Variants in ABCB11 observed in about 807,000 individuals in gnomAD.
The protein encoded by ABCB11 is bile salt export pump.
Under a neutral mutation model 148.0 loss-of-function variants are expected in ABCB11, and 95 were observed. The observed-to-expected ratio is 0.64, with a 90% CI of 0.54 to 0.76. The LOEUF is 0.76. Among genes scored for constraint, ABCB11 ranks in the 30% least tolerant of loss-of-function variants. The pLI, the probability that ABCB11 is intolerant of heterozygous loss-of-function variation, is 0.00. For missense variants in ABCB11, 1,523 were observed against 1,617.8 expected (o/e 0.94, Z 1.01); for synonymous variants, 591 against 555.4 (o/e 1.06, Z -0.90).
intron 3 of ABCB11, among the ~76,000 whole-genome samples, 170 bp downstream of exon 3, chr2:169,016,608 T>C (rs1457875977): frequency 6.6e-6 from 1 of 152,130 alleles, no homozygotes; most frequent in Non-Finnish European, 1.5e-5. Flanking sequence ...TTCCAAAAGG[T>C]TTTTAAAATC....
intron 26 of ABCB11, among the ~76,000 whole-genome samples, chr2:168,925,171 T>A (rs1691249424): frequency 6.6e-6 from 1 of 152,222 alleles, no homozygotes; most frequent in Non-Finnish European, 1.5e-5. Context: ...TATGGACTAA[T>A]CCCAAGAATG....
intron 5 of ABCB11, among the ~76,000 whole-genome samples, chr2:169,009,861 C>T (rs1302529902): frequency 6.6e-6 from 1 of 152,098 alleles, no homozygotes; most frequent in African/African-American, 2.4e-5. Context: ...AATTGTATCT[C>T]AACAAAGCCA....
intron 18 of ABCB11, among the ~76,000 whole-genome samples, chr2:168,963,509 A>G (rs1693166273): frequency 1.3e-5 from 2 of 151,768 alleles, no homozygotes; most frequent in Admixed American, 6.6e-5. Flanking sequence ...TGGTCTGTTT[A>G]TGTGAAAATT....
intron 13 of ABCB11, 24 bp downstream of exon 13, chr2:168,973,691 G>T: frequency 6.2e-7 from 1 of 1,609,990 alleles, no homozygotes; most frequent in South Asian, 1.1e-5. Flanking sequence ...CCCATGTATT[G>T]AGGAGTTTCT....
chr2:169,014,239 C>G, intron 4 of ABCB11, 64 bp downstream of exon 4: 2 of 1,469,912 alleles, frequency 1.4e-6, no homozygotes, highest in South Asian at 1.1e-5. Flanking sequence ...TTTAACACTC[C>G]CCTCATGATC....
intron 1 of ABCB11, among the ~76,000 whole-genome samples, chr2:169,027,899 G>T (rs943199110): frequency 2.6e-5 from 4 of 151,642 alleles, no homozygotes; most frequent in African/African-American, 9.7e-5. Context: ...TATTGTAGAA[G>T]AATTGAAGAA....
Position 168,986,002 on chromosome 2 carries a change from A to G in ABCB11, c.1083+108T>C, listed in dbSNP as rs1694304801. The G allele has an allele frequency of 3.3e-6, 3 of 913,096 alleles. No homozygotes were observed. The South Asian group carries it at 1.1e-4, about 33-fold the overall frequency. The allele number at this position is 913,096 out of a possible 1,614,324, so 56.6% of individuals were successfully genotyped here. A position where few individuals can be genotyped will look rare whatever the true frequency, so the allele number is the denominator to read the frequency against. On this transcript the variant is annotated intron_variant, in intron 10 of 27. Coordinates refer to ENST00000650372, the MANE Select transcript of ABCB11 (RefSeq NM_003742.4). ...ACAGACAGACTCCATAAAATCATTG[A>G]TGCTTTTTTCCTGAAGGCACCAAAG...
rs555725621 is a variant in ABCB11, at chr2:168,974,885, A to G, written c.1309-1045T>C. On this transcript the variant is annotated intron_variant, in intron 12 of 27. Transcript: ENST00000650372. ...TTTGATGTTTAGGTACATATGTAAT[A>G]GATAATAAAAATATACTTTATGTAA... 2.2e-4 allele frequency among the ~76,000 whole-genome samples: 33 copies of G among 150,762 alleles called. 1 individual carries two copies. The South Asian group carries it at 6.5e-3, about 30-fold the overall frequency.
chr2:168,943,572 G>A (rs1156963689), intron 21 of ABCB11, among the ~76,000 whole-genome samples: 2 of 151,990 alleles, frequency 1.3e-5, no homozygotes, highest in Non-Finnish European at 2.9e-5. Flanking sequence ...GGGGAAACAA[G>A]AAAGACTGCA....
chr2:168,986,684 T>C (rs1179006500), intron 9 of ABCB11, among the ~76,000 whole-genome samples: 1 of 152,142 alleles, frequency 6.6e-6, no homozygotes, highest in Admixed American at 6.6e-5. Flanking sequence ...ACCAGACTTT[T>C]TGTTTCCAGC....
intron 26 of ABCB11, among the ~76,000 whole-genome samples, chr2:168,925,229 C>A (rs954660546): frequency 3.2e-4 from 48 of 152,286 alleles, no homozygotes; most frequent in African/African-American, 1.0e-3. Flanking sequence ...ATTAGGGAGG[C>A]AGCATTCTGG....
At chr2:168,947,267 G>A (rs1449948639) in intron 19 of ABCB11, among the ~76,000 whole-genome samples, 1 of 151,584 alleles carries the variant, frequency 6.6e-6, no homozygotes, top group Non-Finnish European at 1.5e-5. Flanking sequence ...ATTTATCAAG[G>A]ATAAATCACT....
chr2:168,969,790 A>G (rs1210498313), intron 15 of ABCB11, among the ~76,000 whole-genome samples: 1 of 152,086 alleles, frequency 6.6e-6, no homozygotes, highest in East Asian at 1.9e-4. Flanking sequence ...GGTAACTTAA[A>G]AAATATCATA....
chr2:168,946,938 G>A (rs1692349538), intron 19 of ABCB11, among the ~76,000 whole-genome samples: 1 of 151,690 alleles, frequency 6.6e-6, no homozygotes, highest in Non-Finnish European at 1.5e-5. Flanking sequence ...ATTCAAGGTT[G>A]GGCATCTCTC....
intron 19 of ABCB11, 89 bp from the exon 20 acceptor site, chr2:168,945,050 G>T: frequency 1.1e-6 from 1 of 900,774 alleles, no homozygotes; most frequent in Middle Eastern, 3.6e-4. Flanking sequence ...TTCTTACCAT[G>T]TCATTATATA....
intron 12 of ABCB11, among the ~76,000 whole-genome samples, chr2:168,975,058 A>G (rs1296749273): frequency 7.0e-6 from 1 of 143,028 alleles, no homozygotes; most frequent in Non-Finnish European, 1.5e-5. Flanking sequence ...ATATAGATAT[A>G]AAATATAGAT....
At position 169,014,028 on chromosome 2, in the gene ABCB11, T is replaced by C. The variant is rs570528326; in HGVS notation, c.150+275A>G. 1.6e-4 allele frequency among the ~76,000 whole-genome samples: 25 copies of C among 152,352 alleles called. 1 individual carries two copies. Among genetic ancestry groups the C allele is most frequent in the African/African-American group, 5.8e-4 (24 of 41,590 alleles). ...AAGAATAAATATATATATGTGATTGTTGTGATGACTTTCCTTACAAATATG... is the reference window on the plus strand; with the variant it reads ...AAGAATAAATATATATATGTGATTGCTGTGATGACTTTCCTTACAAATATG... On this transcript the variant is annotated intron_variant, in intron 4 of 27. Transcript: ENST00000650372.
chr2:169,018,228 AACAAT>A, intron 1 of ABCB11, 76 bp from the exon 2 acceptor site: 1 of 1,347,996 alleles, frequency 7.4e-7, no homozygotes, highest in Non-Finnish European at 1.0e-6. Flanking sequence ...CAAACGAAAG[AACAAT>A]TTGGTTCAAG....
intron 4 of ABCB11, 95 bp from the exon 5 acceptor site, chr2:169,013,605 A>G: frequency 8.7e-6 from 8 of 923,500 alleles, no homozygotes; most frequent in Non-Finnish European, 1.3e-5. Flanking sequence ...CATGAATAGT[A>G]CTCAACACCA....
Sources: allele counts gnomAD v4.1 joint callset (sites outside exome capture counted in the v4.1 genomes callset), GRCh38; gene constraint gnomAD v4.1.1; transcripts MANE v1.5; gene names NCBI Gene and HGNC (gene_info 2026-07-23, HGNC 2026-07-21).